Variants in SYN2 observed in about 807,000 individuals in gnomAD.
SYN2 encodes the protein synapsin II.
Under a neutral mutation model 50.9 loss-of-function variants are expected in SYN2, and 19 were observed. The ratio of observed to expected loss-of-function variants is 0.37; its 90% CI spans 0.26 to 0.55. The LOEUF is 0.55. Among genes scored for constraint, SYN2 ranks in the 20% least tolerant of loss-of-function variants. The pLI is 0.81. For missense variants in SYN2, 587 were observed against 576.4 expected (o/e 1.02, Z -0.19); for synonymous variants, 255 against 224.9 (o/e 1.13, Z -1.20).
In SYN2 at chr3:12,182,082, G is replaced by A. The variant is rs1352106472; in HGVS notation, c.1309-1230G>A. ...CAAATCCTCTCAGTAGAACAGTTCC[G>A]AGTAATGAGGTTAAAAGACTGTGAT... On this transcript the variant is annotated intron_variant, in intron 10 of 12. Coordinates refer to ENST00000621198, the MANE Select transcript of SYN2 (RefSeq NM_133625.6). Among the ~76,000 whole-genome samples, 6 of 152,194 alleles carry A rather than the reference G, an allele frequency of 3.9e-5. No homozygotes were observed. In the East Asian group the frequency reaches 7.7e-4, roughly 20 times the overall value.
intron 1 of SYN2, among the ~76,000 whole-genome samples, chr3:12,018,380 G>A (rs535762411): frequency 1.9e-4 from 29 of 152,202 alleles, no homozygotes; most frequent in Non-Finnish European, 3.2e-4. Context: ...GTTTGGATAA[G>A]CAGCGTGACT....
chr3:12,008,272 C>A (rs1693839633), intron 1 of SYN2, among the ~76,000 whole-genome samples: 1 of 152,172 alleles, frequency 6.6e-6, no homozygotes, highest in Non-Finnish European at 1.5e-5. Context: ...AGCACAGGTA[C>A]TCTTGAGTGT....
chr3:12,067,053 G>T (rs1210897200), intron 1 of SYN2, among the ~76,000 whole-genome samples: 2 of 152,116 alleles, frequency 1.3e-5, no homozygotes, highest in East Asian at 1.9e-4. Context: ...AACAGCATGG[G>T]GGTAACTGCC....
intron 1 of SYN2, among the ~76,000 whole-genome samples, chr3:12,048,099 AGCCTTTTTAT>A (rs1215245986): frequency 3.3e-5 from 5 of 152,196 alleles, no homozygotes; most frequent in African/African-American, 7.2e-5. Context: ...TGAAAGATTT[AGCCTTTTTAT>A]GCCTTTTTAA....
chr3:12,134,914 C>T (rs1696862719), intron 1 of SYN2, among the ~76,000 whole-genome samples: 1 of 152,170 alleles, frequency 6.6e-6, no homozygotes, highest in African/African-American at 2.4e-5. Flanking sequence ...ACTTTGTTAT[C>T]ACTAATGGTT....
chr3:12,123,179 C>T (rs2125203858), intron 1 of SYN2, among the ~76,000 whole-genome samples: 1 of 152,236 alleles, frequency 6.6e-6, no homozygotes, highest in African/African-American at 2.4e-5. Flanking sequence ...GGAAAAGAGG[C>T]AATATACAGA....
chr3:12,095,729 C>T (rs186952237), intron 1 of SYN2, among the ~76,000 whole-genome samples: 5 of 150,308 alleles, frequency 3.3e-5, no homozygotes, highest in Admixed American at 2.6e-4. Context: ...ATCATTCCCC[C>T]AGTACCAGAT....
chr3:12,027,398 A>G (rs1559390613), intron 1 of SYN2, among the ~76,000 whole-genome samples: 1 of 152,140 alleles, frequency 6.6e-6, no homozygotes, highest in African/African-American at 2.4e-5. Context: ...TTAAACACAT[A>G]TGAAAGATGT....
intron 1 of SYN2, among the ~76,000 whole-genome samples, chr3:12,077,088 G>C (rs375131775): frequency 1.3e-5 from 2 of 151,982 alleles, no homozygotes; most frequent in Non-Finnish European, 2.9e-5. Context: ...GCAGGTTTGC[G>C]ATGGGGCAAT....
chr3:12,160,808 G>A (rs1286654128), intron 5 of SYN2, among the ~76,000 whole-genome samples: 1 of 152,224 alleles, frequency 6.6e-6, no homozygotes, highest in Non-Finnish European at 1.5e-5. Context: ...CCATTTTGTA[G>A]CAGCTTGAAA....
chr3:12,022,017 C>G (rs565737195), intron 1 of SYN2, among the ~76,000 whole-genome samples: 15 of 151,172 alleles, frequency 9.9e-5, no homozygotes, highest in Non-Finnish European at 1.9e-4. Flanking sequence ...TTGCAGTGAG[C>G]TGAGATCACA....
chr3:12,182,635 G>A (rs1027600589), intron 10 of SYN2, among the ~76,000 whole-genome samples: 6 of 152,308 alleles, frequency 3.9e-5, no homozygotes, highest in Non-Finnish European at 8.8e-5. Context: ...AGGTAAGGAG[G>A]GTTCTGAGAA....
At chr3:12,126,602 A>T (rs1336580444) in intron 1 of SYN2, among the ~76,000 whole-genome samples, 7 of 152,234 alleles carry the variant, frequency 4.6e-5, no homozygotes, top group African/African-American at 1.7e-4. Context: ...TGTAGTATGA[A>T]GTGGTTAATC....
chr3:12,183,480 C>G, intron 11 of SYN2, 108 bp downstream of exon 11: 3 of 1,604,956 alleles, frequency 1.9e-6, no homozygotes, highest in Non-Finnish European at 2.5e-6. Context: ...AAATTTTAAG[C>G]CAAAAACAAA....
intron 1 of SYN2, among the ~76,000 whole-genome samples, chr3:12,049,759 G>A (rs954326036): frequency 6.6e-6 from 1 of 152,064 alleles, no homozygotes; most frequent in Non-Finnish European, 1.5e-5. Flanking sequence ...TCCACTGGAC[G>A]ATACATTATG....
intron 11 of SYN2, chr3:12,184,848 T>C: frequency 1.0e-6 from 1 of 985,742 alleles, no homozygotes; most frequent in Non-Finnish European, 1.2e-6. Context: ...ACAAACACCA[T>C]GGTCCGTGGA....
intron 1 of SYN2, among the ~76,000 whole-genome samples, chr3:12,041,195 C>T (rs190774968): frequency 8.5e-5 from 13 of 152,262 alleles, no homozygotes; most frequent in East Asian, 7.7e-4. Flanking sequence ...ATCATGGTAT[C>T]CCTACTTCTA....
intron 1 of SYN2, among the ~76,000 whole-genome samples, chr3:12,005,686 A>G (rs1359007055): frequency 1.3e-5 from 2 of 151,842 alleles, no homozygotes; most frequent in Non-Finnish European, 2.9e-5. Context: ...ACCTTGGTAA[A>G]ATATACTGGA....
chr3:12,094,162 T>C (rs1040536694), intron 1 of SYN2, among the ~76,000 whole-genome samples: 5 of 152,144 alleles, frequency 3.3e-5, no homozygotes, highest in African/African-American at 9.7e-5. Flanking sequence ...GCCCCTGCAA[T>C]TTAATATTTA....
Sources: allele counts gnomAD v4.1 joint callset (sites outside exome capture counted in the v4.1 genomes callset), GRCh38; gene constraint gnomAD v4.1.1; transcripts MANE v1.5; gene names NCBI Gene and HGNC (gene_info 2026-07-23, HGNC 2026-07-21).